Variants in ARHGAP29 observed in about 807,000 individuals in gnomAD.
ARHGAP29 encodes Rho GTPase activating protein 29, also known as rho GTPase-activating protein 29.
ARHGAP29 carries 43 observed loss-of-function variants against 122.6 expected under a neutral mutation model. The observed-to-expected ratio is 0.35, with a 90% CI of 0.27 to 0.45. The LOEUF (loss-of-function observed/expected upper bound fraction) is 0.45, where lower values mean the gene tolerates loss of function less well. Ranked by LOEUF, ARHGAP29 falls within the 20% of genes least tolerant of loss-of-function variation. ARHGAP29 has a pLI of 1.00. For missense variants in ARHGAP29, 1,303 were observed against 1,477.2 expected (o/e 0.88, Z 1.93); for synonymous variants, 506 against 497.1 (o/e 1.02, Z -0.24).
At chr1:94,272,396 G>C (rs750795699) in intron 1 of ARHGAP29, among the ~76,000 whole-genome samples, 1 of 152,202 alleles carries the variant, frequency 6.6e-6, no homozygotes. Flanking sequence ...GATCTGTGAG[G>C]TGAAGGCTAG....
intron 2 of ARHGAP29, among the ~76,000 whole-genome samples, chr1:94,231,082 A>G (rs1006155004): frequency 1.3e-5 from 2 of 152,042 alleles, no homozygotes; most frequent in African/African-American, 2.4e-5. Context: ...AGACCAATCA[A>G]TGCACTGTGT....
At chr1:94,202,468 C>A in intron 11 of ARHGAP29, 76 bp downstream of exon 11, 1 of 1,553,202 alleles carries the variant, frequency 6.4e-7, no homozygotes. Flanking sequence ...TCTTGGCAGA[C>A]GCAGAACTTT....
intron 1 of ARHGAP29, among the ~76,000 whole-genome samples, chr1:94,273,940 A>T (rs1371071736): frequency 6.6e-6 from 1 of 152,220 alleles, no homozygotes; most frequent in Non-Finnish European, 1.5e-5. Context: ...CAAATGTTTT[A>T]AAGTTATAAA....
intron 20 of ARHGAP29, among the ~76,000 whole-genome samples, chr1:94,178,784 C>T (rs1476494424): frequency 6.6e-6 from 1 of 152,178 alleles, no homozygotes; most frequent in African/African-American, 2.4e-5. Context: ...GCAAGACTGC[C>T]AGGCATGCAA....
At chr1:94,254,597 T>C (rs918933184) in intron 1 of ARHGAP29, among the ~76,000 whole-genome samples, 1 of 151,822 alleles carries the variant, frequency 6.6e-6, no homozygotes, top group African/African-American at 2.4e-5. Flanking sequence ...CAAGAGGAGG[T>C]GAAAAAGAGC....
rs1466315990 is a variant in ARHGAP29, at chr1:94,171,094, A to G, written c.*2775T>C. Among the ~76,000 whole-genome samples the G allele has an allele frequency of 2.0e-5, 3 of 152,230 alleles. No homozygotes were observed. Among genetic ancestry groups the G allele is most frequent in the Admixed American group, 1.3e-4 (2 of 15,274 alleles). On this transcript the variant is annotated 3_prime_UTR_variant, in exon 23 of 23. Transcript: ENST00000260526. ...CACTGACTATAAGTTATTTAACAATATACAATGGTTGTCATTTAGAGAGAT... is the reference window on the plus strand; with the variant it reads ...CACTGACTATAAGTTATTTAACAATGTACAATGGTTGTCATTTAGAGAGAT...
chr1:94,238,320 C>G (rs1653435369), upstream of ARHGAP29, among the ~76,000 whole-genome samples: 1 of 152,020 alleles, frequency 6.6e-6, no homozygotes, highest in Non-Finnish European at 1.5e-5. Flanking sequence ...CCACCCGCCT[C>G]AGCCTCCCAA....
At chr1:94,237,612 G>A (rs1023975852), upstream of ARHGAP29, 1 of 987,348 alleles carries the variant, frequency 1.0e-6, no homozygotes, top group Non-Finnish European at 1.2e-6. Context: ...TGCAGCTACC[G>A]CCACGGCCGC....
chr1:94,204,705 A>T (rs1395663039), intron 7 of ARHGAP29, among the ~76,000 whole-genome samples: 2 of 150,692 alleles, frequency 1.3e-5, no homozygotes, highest in African/African-American at 5.0e-5. Flanking sequence ...AGGAAATATT[A>T]GCTATTAAAA....
intron 5 of ARHGAP29, among the ~76,000 whole-genome samples, chr1:94,206,695 G>A (rs150431989): frequency 0.033 from 5,033 of 152,082 alleles, 104 homozygotes; most frequent in Non-Finnish European, 0.053. Flanking sequence ...TCAGGAGCTC[G>A]AGGCCAGCCT....
chr1:94,274,970 C>T (rs1655129097), intron 1 of ARHGAP29: 1 of 152,210 alleles, frequency 6.6e-6, no homozygotes, highest in South Asian at 2.1e-4. Context: ...CTGACCCTCT[C>T]TAAGAGGCCA....
rs938770592 is a variant in ARHGAP29 at position 94,182,698 on chromosome 1, T to C, written c.2247+1453A>G. On this transcript the variant is annotated intron_variant, in intron 19 of 22. Transcript: ENST00000260526. Reference sequence around the variant, plus strand: ...GAACCGTCCACACTATCAACACTTATGACATTTCCATTCAAGAGAGTAGAA... The same window carrying C: ...GAACCGTCCACACTATCAACACTTACGACATTTCCATTCAAGAGAGTAGAA... Among the ~76,000 whole-genome samples the C allele has an allele frequency of 1.4e-4, 22 of 152,330 alleles. 1 individual carries two copies. Among genetic ancestry groups the C allele is most frequent in the East Asian group, 9.6e-4 (5 of 5,194 alleles).
At chr1:94,292,448 A>G in the ARHGAP29 span, among the ~76,000 whole-genome samples, 1 of 152,162 alleles carries the variant, frequency 6.6e-6, no homozygotes, top group Admixed American at 6.5e-5. Flanking sequence ...TCTGAAGCCT[A>G]CTTCCGTCAA....
chr1:94,230,563 A>G (rs916962540), intron 2 of ARHGAP29, among the ~76,000 whole-genome samples: 1 of 151,806 alleles, frequency 6.6e-6, no homozygotes, highest in Admixed American at 6.6e-5. Flanking sequence ...CCATCAGAAA[A>G]TAAGTATTTA....
At chr1:94,210,787 C>T (rs990755370) in intron 3 of ARHGAP29, among the ~76,000 whole-genome samples, 23 of 152,030 alleles carry the variant, frequency 1.5e-4, no homozygotes, top group African/African-American at 4.8e-4. Flanking sequence ...CCTGTAATCC[C>T]GGGGCTTTGG....
At chr1:94,234,397 G>C (rs1050434464) in intron 1 of ARHGAP29, among the ~76,000 whole-genome samples, 2 of 152,042 alleles carry the variant, frequency 1.3e-5, no homozygotes, top group African/African-American at 4.8e-5. Context: ...TCTCTAAAAT[G>C]GTATGTTTCA....
chr1:94,196,647 C>A (rs1177186443), intron 12 of ARHGAP29, among the ~76,000 whole-genome samples: 2 of 152,098 alleles, frequency 1.3e-5, no homozygotes, highest in Non-Finnish European at 2.9e-5. Flanking sequence ...AAATAAACTA[C>A]ATAACAAATT....
the ARHGAP29 span, among the ~76,000 whole-genome samples, chr1:94,308,648 G>T: frequency 6.6e-6 from 1 of 152,114 alleles, no homozygotes; most frequent in African/African-American, 2.4e-5. Context: ...AAATCCTCCT[G>T]ATCTCACCTC....
chr1:94,247,008 T>C (rs1364646702), intron 1 of ARHGAP29, among the ~76,000 whole-genome samples: 6 of 151,978 alleles, frequency 3.9e-5, no homozygotes, highest in African/African-American at 1.5e-4. Context: ...TTTACAACCT[T>C]AGATCTCCCT....
Sources: allele counts gnomAD v4.1 joint callset (sites outside exome capture counted in the v4.1 genomes callset), GRCh38; gene constraint gnomAD v4.1.1; transcripts MANE v1.5; gene names NCBI Gene and HGNC (gene_info 2026-07-23, HGNC 2026-07-21).